The following PALM2AKAP2 variants were observed in gnomAD, a reference collection of about 807,000 sequenced individuals.
The protein encoded by PALM2AKAP2 is PALM2 and AKAP2 fusion.
Under a neutral mutation model 71.5 loss-of-function variants are expected in PALM2AKAP2, and 37 were observed. The observed-to-expected ratio is 0.52, with a 90% CI of 0.40 to 0.68. The LOEUF is 0.68. Among genes scored for constraint, PALM2AKAP2 ranks in the 30% least tolerant of loss-of-function variants. The pLI is 0.00. For synonymous variants in PALM2AKAP2, 468 were observed against 478.8 expected (o/e 0.98, Z 0.29); for missense variants, 1,224 against 1,191.8 (o/e 1.03, Z -0.40).
At chr9:109,714,488 A>G (rs970959879) in intron 1 of PALM2AKAP2, among the ~76,000 whole-genome samples, 2 of 152,062 alleles carry the variant, frequency 1.3e-5, no homozygotes, top group African/African-American at 4.8e-5. Context: ...TTGAATACCA[A>G]TTTCACCCCA....
At chr9:109,929,641 G>A (rs1831044368) in intron 5 of PALM2AKAP2, among the ~76,000 whole-genome samples, 1 of 152,002 alleles carries the variant, frequency 6.6e-6, no homozygotes, top group African/African-American at 2.4e-5. Context: ...GAGGCGGGCG[G>A]ATCATGAGGT....
chr9:109,717,736 G>C (rs1316952047), intron 1 of PALM2AKAP2, among the ~76,000 whole-genome samples: 4 of 152,256 alleles, frequency 2.6e-5, no homozygotes, highest in Non-Finnish European at 5.9e-5. Flanking sequence ...AGGAGAGCTT[G>C]CAGGTTGGGC....
chr9:109,824,294 A>G (rs1436306832), intron 1 of PALM2AKAP2, among the ~76,000 whole-genome samples: 1 of 152,228 alleles, frequency 6.6e-6, no homozygotes, highest in Non-Finnish European at 1.5e-5. Context: ...CATGAAAACA[A>G]TGTCAGTTGT....
chr9:109,900,633 C>T (rs1037151314), intron 3 of PALM2AKAP2, among the ~76,000 whole-genome samples: 1 of 152,154 alleles, frequency 6.6e-6, no homozygotes, highest in African/African-American at 2.4e-5. Context: ...ATTAGAGATA[C>T]AGAGATGAAA....
intron 7 of PALM2AKAP2, among the ~76,000 whole-genome samples, chr9:110,039,174 A>G (rs1294333260): frequency 2.0e-5 from 3 of 152,042 alleles, no homozygotes; most frequent in African/African-American, 7.2e-5. Flanking sequence ...ACTCGAGCCC[A>G]GGAAGTTGAG....
chr9:109,840,852 A>T (rs955240704), intron 1 of PALM2AKAP2, among the ~76,000 whole-genome samples: 2 of 152,240 alleles, frequency 1.3e-5, no homozygotes, highest in African/African-American at 4.8e-5. Flanking sequence ...GGCGATCATT[A>T]AAAAGTCAGG....
intron 3 of PALM2AKAP2, among the ~76,000 whole-genome samples, chr9:109,881,929 G>C (rs1182081434): frequency 7.4e-6 from 1 of 134,922 alleles, no homozygotes; most frequent in Non-Finnish European, 1.5e-5. Flanking sequence ...CTGTCACTAG[G>C]CTGGAGTACA....
chr9:109,675,300 G>A (rs562854336), intron 1 of PALM2AKAP2, among the ~76,000 whole-genome samples: 2 of 146,254 alleles, frequency 1.4e-5, no homozygotes, highest in South Asian at 4.3e-4. Flanking sequence ...TGTTTTATTT[G>A]TAATATTTTC....
chr9:110,105,291 T>C (rs1281496016), intron 1 of PALM2AKAP2, among the ~76,000 whole-genome samples: 2 of 152,218 alleles, frequency 1.3e-5, no homozygotes, highest in Non-Finnish European at 2.9e-5. Flanking sequence ...TGTGACATAA[T>C]ACATTCCTTG....
chr9:109,666,895 G>A (rs1415969019), intron 1 of PALM2AKAP2, among the ~76,000 whole-genome samples: 1 of 152,236 alleles, frequency 6.6e-6, no homozygotes, highest in Admixed American at 6.5e-5. Flanking sequence ...GCAGGCGACA[G>A]AAGCAAGCAA....
Position 109,653,631 on chromosome 9 carries a change from G to T in PALM2AKAP2, c.5+12765G>T, listed in dbSNP as rs542340857. Among the ~76,000 whole-genome samples, 3 of 152,300 alleles carry T rather than the reference G, an allele frequency of 2.0e-5. 1 individual carries two copies. The highest frequency in any genetic ancestry group is 3.9e-4 in the East Asian group (2 of 5,184). ...TCATTTGGGGTCATGTTGAAAAGCA[G>T]ATCCTGATTCTGTAGATAGGGGGTG... On this transcript the variant is annotated intron_variant, in intron 1 of 6. Transcript: ENST00000374531.
chr9:109,869,651 T>TTCCATCCATCCATCCATCCA (rs59271161), intron 2 of PALM2AKAP2, among the ~76,000 whole-genome samples: 37,421 of 149,904 alleles, frequency 0.25, 4,932 homozygotes, highest in African/African-American at 0.31. Flanking sequence ...TCATCCATCT[T>TTCCATCCATCCATCCATCCA]TCCATCCATC....
chr9:109,971,785 A>G (rs1385459804), intron 6 of PALM2AKAP2, among the ~76,000 whole-genome samples: 1 of 152,100 alleles, frequency 6.6e-6, no homozygotes, highest in Non-Finnish European at 1.5e-5. Flanking sequence ...TAGACCTTCC[A>G]AAATCTGATT....
intron 6 of PALM2AKAP2, among the ~76,000 whole-genome samples, chr9:109,935,090 T>C (rs1399869067): frequency 6.6e-6 from 1 of 152,206 alleles, no homozygotes; most frequent in Non-Finnish European, 1.5e-5. Context: ...ACACGCGCAG[T>C]TCCTCCATCC....
At chr9:109,896,047 T>C (rs973310999) in intron 3 of PALM2AKAP2, among the ~76,000 whole-genome samples, 1 of 152,052 alleles carries the variant, frequency 6.6e-6, no homozygotes, top group Admixed American at 6.5e-5. Context: ...TAGCTGGGCA[T>C]GGTGGCAGGC....
chr9:109,952,437 G>A lies in PALM2AKAP2; in HGVS notation c.496+20409G>A, dbSNP rs1437429800. Among the ~76,000 whole-genome samples the A allele has an allele frequency of 2.6e-5, 4 of 151,196 alleles. No homozygotes were observed. In the East Asian group the frequency reaches 7.7e-4, roughly 29 times the overall value. ...ATCAGTTGGGAGTTCTCATCTGGTT[G>A]GGTTCCATGGTAGATTTTTTAAATG... On this transcript the variant is annotated intron_variant, in intron 6 of 9. Coordinates refer to the PALM2AKAP2 transcript ENST00000302798.
intron 1 of PALM2AKAP2, among the ~76,000 whole-genome samples, chr9:109,796,424 T>C (rs978555879): frequency 6.6e-6 from 1 of 152,178 alleles, no homozygotes; most frequent in East Asian, 1.9e-4. Context: ...CTTACTCTAA[T>C]TGCAAATTAT....
intron 1 of PALM2AKAP2, among the ~76,000 whole-genome samples, chr9:109,837,339 G>T (rs1587946784): frequency 6.6e-6 from 1 of 152,188 alleles, no homozygotes; most frequent in African/African-American, 2.4e-5. Flanking sequence ...GAGAGATTTT[G>T]TCACCACCAG....
intron 6 of PALM2AKAP2, among the ~76,000 whole-genome samples, chr9:109,939,273 A>G (rs995855316): frequency 2.0e-5 from 3 of 152,166 alleles, no homozygotes; most frequent in Non-Finnish European, 4.4e-5. Context: ...AGAACTTTTC[A>G]TCATCATCTC....
Sources: allele counts gnomAD v4.1 joint callset (sites outside exome capture counted in the v4.1 genomes callset), GRCh38; gene constraint gnomAD v4.1.1; transcripts MANE v1.5; gene names NCBI Gene and HGNC (gene_info 2026-07-23, HGNC 2026-07-21).